Variants in OIP5 observed in about 807,000 individuals in gnomAD.
The protein encoded by OIP5 is protein Mis18-beta.
In OIP5, 24 loss-of-function variants were observed where a neutral mutation model predicts 20.3. The ratio of observed to expected loss-of-function variants is 1.18; its 90% CI spans 0.86 to 1.66. The LOEUF (loss-of-function observed/expected upper bound fraction) is 1.66. OIP5 is among the 40% of genes most tolerant of loss of function. The pLI, the probability that OIP5 is intolerant of heterozygous loss-of-function variation, is 0.00. For missense variants in OIP5, 339 were observed against 289.5 expected (o/e 1.17, Z -1.24); for synonymous variants, 143 against 121.3 (o/e 1.18, Z -1.17).
chr15:41,325,491 T>C (rs1039675375), intron 2 of OIP5, among the ~76,000 whole-genome samples: 1 of 150,494 alleles, frequency 6.6e-6, no homozygotes, highest in African/African-American at 2.4e-5. Context: ...CTGTTAGAAA[T>C]GGTGTCAACA....
chr15:41,321,920 TAAAA>T (rs1247190117), intron 2 of OIP5, among the ~76,000 whole-genome samples: 7 of 129,518 alleles, frequency 5.4e-5, no homozygotes, highest in African/African-American at 1.6e-4. Context: ...GAATGATCAA[TAAAA>T]AAATAAATAA....
intron 2 of OIP5, among the ~76,000 whole-genome samples, chr15:41,327,413 G>A (rs1404006714): frequency 9.9e-5 from 15 of 151,830 alleles, no homozygotes; most frequent in Admixed American, 6.6e-4. Flanking sequence ...TCCTGACCTC[G>A]TGATCCTCCC....
rs780266807 is a variant in OIP5 at position 41,332,492 on chromosome 15, T to G, written c.70A>C (p.Thr24Pro). The G allele has an allele frequency of 8.3e-5, 134 of 1,613,908 alleles. No homozygotes were observed. Among genetic ancestry groups the G allele is most frequent in the Non-Finnish European group, 1.1e-4 (126 of 1,179,930 alleles). ...GAAGCTTGGTCAATCGCCCTCTCAG[T>G]GCCACCACAAAAGTCCCCCCGGGGC... ...TPPRGDFCGG[T>P]ERAIDQASFT... Residue 24 changes from threonine to proline, a missense_variant, in exon 1 of 5, where the codon ACT becomes CCT. Transcript: ENST00000220514.
At chr15:41,318,130 G>C (rs2047799328) in intron 3 of OIP5, among the ~76,000 whole-genome samples, 1 of 152,096 alleles carries the variant, frequency 6.6e-6, no homozygotes, top group Non-Finnish European at 1.5e-5. Flanking sequence ...TTTTGCAAAA[G>C]CTTGCCTTCT....
In OIP5 at chr15:41,332,420, A is replaced by G. The variant is rs2047942776; in HGVS notation, c.142T>C (p.Ser48Pro). ...CCCAGCCCTGCGGGGCCGAGCGGCG[A>G]GGACCCCTTCACCACCTGCGTATCC... is the stretch of plus-strand genomic sequence containing the variant. The part of the protein sequence containing the change: ...EWDTQVVKGS[S>P]PLGPAGLGAE... Residue 48 changes from serine (S) to proline (P), a missense_variant, in exon 1 of 5, where the codon TCG (serine) becomes CCG (proline). Physicochemically the swap from Ser to Pro is moderately conservative, Grantham distance 74. Coordinates refer to ENST00000220514, the MANE Select transcript of OIP5 (RefSeq NM_007280.2). 6.2e-7 allele frequency: 1 copy of G among 1,614,016 alleles called. No homozygotes were observed. Among genetic ancestry groups the G allele is most frequent in the Non-Finnish European group, 8.5e-7 (1 of 1,179,916 alleles).
chr15:41,329,986 G>A (rs780935175), intron 2 of OIP5, among the ~76,000 whole-genome samples: 1 of 151,888 alleles, frequency 6.6e-6, no homozygotes, highest in African/African-American at 2.4e-5. Flanking sequence ...CATCAGCCAC[G>A]GCGCCTGGCC....
At chr15:41,319,237 T>G (rs1428191709) in intron 3 of OIP5, among the ~76,000 whole-genome samples, 2 of 150,996 alleles carry the variant, frequency 1.3e-5, no homozygotes, top group African/African-American at 4.9e-5. Context: ...CATGCCCAGC[T>G]ACTTTTTTTT....
At chr15:41,311,958 G>A (rs1235216617) in intron 4 of OIP5, among the ~76,000 whole-genome samples, 3 of 142,052 alleles carry the variant, frequency 2.1e-5, no homozygotes, top group African/African-American at 4.9e-5. Context: ...AGGTTCAAGC[G>A]ATTCTCCTGC....
intron 2 of OIP5, among the ~76,000 whole-genome samples, chr15:41,320,513 C>T (rs2047816601): frequency 6.6e-6 from 1 of 152,196 alleles, no homozygotes; most frequent in Non-Finnish European, 1.5e-5. Flanking sequence ...CTCCTAACCG[C>T]GAGTGATCCA....
chr15:41,318,915 G>A (rs538864318), intron 3 of OIP5, among the ~76,000 whole-genome samples: 2 of 151,578 alleles, frequency 1.3e-5, no homozygotes, highest in African/African-American at 4.8e-5. Flanking sequence ...ATTGCCCATG[G>A]AGGTCTTGAA....
chr15:41,320,783 A>G (rs2047818459), intron 2 of OIP5, among the ~76,000 whole-genome samples: 1 of 140,714 alleles, frequency 7.1e-6, no homozygotes, highest in Non-Finnish European at 1.5e-5. Flanking sequence ...CTGGCTGCCC[A>G]GTCTGGAAAG....
intron 4 of OIP5, among the ~76,000 whole-genome samples, chr15:41,312,831 T>C (rs1381722108): frequency 1.3e-5 from 2 of 151,758 alleles, no homozygotes; most frequent in East Asian, 3.9e-4. Context: ...GGTTTCACTG[T>C]GTTAGCCAGG....
intron 2 of OIP5, among the ~76,000 whole-genome samples, chr15:41,321,207 G>A (rs565811238): frequency 1.5e-3 from 230 of 150,064 alleles, no homozygotes; most frequent in Admixed American, 2.6e-3. Context: ...AGGTGGGGGG[G>A]TCAGCCCCCC....
In OIP5 at chr15:41,310,997, G is replaced by A. The variant is rs917160961; in HGVS notation, c.595-1148C>T. 1.3e-3 allele frequency among the ~76,000 whole-genome samples: 195 copies of A among 152,192 alleles called. 1 individual carries two copies. The highest frequency in any genetic ancestry group is 4.2e-3 in the African/African-American group (175 of 41,526). On this transcript the variant is annotated intron_variant, in intron 4 of 4. Transcript: ENST00000220514. ...CAGTGGCTTCTGATAATCTCCATTC[G>A]CCCCTCCCAGCATAGGATTTCCACC...
intron 4 of OIP5, among the ~76,000 whole-genome samples, chr15:41,312,608 C>T (rs1373143760): frequency 6.6e-6 from 1 of 151,044 alleles, no homozygotes; most frequent in Non-Finnish European, 1.5e-5. Context: ...TACAGGCGCC[C>T]ACCACCATGA....
intron 2 of OIP5, among the ~76,000 whole-genome samples, chr15:41,329,368 T>C (rs578103940): frequency 3.5e-5 from 5 of 144,726 alleles, no homozygotes; most frequent in African/African-American, 1.3e-4. Context: ...CAGGCTGGAG[T>C]GTAGTGGTGC....
Position 41,314,788 on chromosome 15 carries a change from T to A in OIP5, c.513-1434A>T, listed in dbSNP as rs191290504. On this transcript the variant is annotated intron_variant, in intron 3 of 4. Transcript: ENST00000220514. ...TTGGGATTACAGGTGCCCACCATCA[T>A]GCCCAGCTAATTTTTGTATTTTTAG... Among the ~76,000 whole-genome samples the A allele has an allele frequency of 1.5e-4, 23 of 151,804 alleles. No individual in the cohort carries two copies. In the East Asian group the frequency reaches 4.5e-3, roughly 30 times the overall value.
At chr15:41,309,940 G>A (rs2047744611) in intron 4 of OIP5, 91 bp from the exon 5 acceptor site, 1 of 788,554 alleles carries the variant, frequency 1.3e-6, no homozygotes. Context: ...CTGAGCTGGA[G>A]TACAGTGGCA....
At chr15:41,318,606 T>G (rs1441188870) in intron 3 of OIP5, among the ~76,000 whole-genome samples, 1 of 152,164 alleles carries the variant, frequency 6.6e-6, no homozygotes, top group African/African-American at 2.4e-5. Flanking sequence ...ACAAGTTTCT[T>G]TAATGAAAGA....
Sources: gnomAD v4.1 joint callset for allele counts (sites outside exome capture counted in the v4.1 genomes callset) on GRCh38, gnomAD v4.1.1 for gene constraint, MANE v1.5 for transcripts, NCBI Gene and HGNC (gene_info 2026-07-23, HGNC 2026-07-21) for gene names.